NFIA: variants seen among roughly 807,000 people sequenced by gnomAD.
NFIA encodes the protein nuclear factor 1 A-type.
In NFIA, 8 loss-of-function variants were observed where a neutral mutation model predicts 62.8. The ratio of observed to expected loss-of-function variants is 0.13; its 90% CI spans 0.07 to 0.23. The LOEUF (loss-of-function observed/expected upper bound fraction) is 0.23, where lower values mean the gene tolerates loss of function less well. Among genes scored for constraint, NFIA ranks in the 10% least tolerant of loss-of-function variants. The probability of loss-of-function intolerance (pLI) is 1.00; values close to 1 mark genes in which losing one functional copy is unlikely to be tolerated. For missense variants in NFIA, 410 were observed against 642.1 expected, an observed-to-expected ratio of 0.64 and a Z score of 3.91; for synonymous variants, 235 against 238.1, an observed-to-expected ratio of 0.99 and a Z score of 0.12.
At chr1:61,356,817 T>C (rs1368171176) in intron 5 of NFIA, among the ~76,000 whole-genome samples, 1 of 152,210 alleles carries the variant, frequency 6.6e-6, no homozygotes, top group Admixed American at 6.5e-5. Context: ...ACTTAATGGC[T>C]AAGAATACTG....
chr1:61,254,363 A>G (rs1656241059), intron 2 of NFIA, among the ~76,000 whole-genome samples: 1 of 152,238 alleles, frequency 6.6e-6, no homozygotes, highest in Non-Finnish European at 1.5e-5. Context: ...TTTGATTGCA[A>G]AAATATAGCT....
At chr1:61,363,161 C>G (rs929505456) in intron 6 of NFIA, among the ~76,000 whole-genome samples, 1 of 152,216 alleles carries the variant, frequency 6.6e-6, no homozygotes, top group East Asian at 1.9e-4. Context: ...CAAGCCCACA[C>G]AGATAGTAAA....
Position 61,122,490 on chromosome 1 carries a change from G to A in NFIA, c.559+33810G>A, listed in dbSNP as rs149897673. 1.6e-3 allele frequency among the ~76,000 whole-genome samples: 246 copies of A among 152,276 alleles called. 1 individual carries two copies. The highest frequency in any genetic ancestry group is 5.6e-3 in the African/African-American group (234 of 41,554). ...TTCTCTCCTGACATAAAAAAAGGTGGTAATTGAGCTGGCATCTAGAAAGTG... is the reference window on the plus strand; with the variant it reads ...TTCTCTCCTGACATAAAAAAAGGTGATAATTGAGCTGGCATCTAGAAAGTG... On this transcript the variant is annotated intron_variant, in intron 2 of 10. Coordinates refer to ENST00000403491, the MANE Select transcript of NFIA (RefSeq NM_001134673.4).
At chr1:61,176,931 C>T (rs1159163011) in intron 2 of NFIA, among the ~76,000 whole-genome samples, 3 of 151,950 alleles carry the variant, frequency 2.0e-5, no homozygotes, top group Admixed American at 6.6e-5. Flanking sequence ...AGTGAAACCC[C>T]GTCTCTACTA....
chr1:61,262,784 A>G (rs1656846998), intron 2 of NFIA, among the ~76,000 whole-genome samples: 2 of 152,216 alleles, frequency 1.3e-5, no homozygotes, highest in Admixed American at 1.3e-4. Flanking sequence ...TAAATGGAAT[A>G]GTCTCCTTAT....
intron 2 of NFIA, among the ~76,000 whole-genome samples, chr1:61,158,265 T>C (rs1648946885): frequency 6.6e-6 from 1 of 152,234 alleles, no homozygotes; most frequent in South Asian, 2.1e-4. Flanking sequence ...CCCTTTTTAC[T>C]AGATGTGCAT....
upstream of NFIA, among the ~76,000 whole-genome samples, chr1:61,078,277 C>G (rs1192093551): frequency 6.6e-6 from 1 of 151,554 alleles, no homozygotes; most frequent in African/African-American, 2.4e-5. Flanking sequence ...AAAAAAAAAG[C>G]TGATCGGGGG....
intron 10 of NFIA, among the ~76,000 whole-genome samples, chr1:61,431,906 C>T (rs1667111760): frequency 6.6e-6 from 1 of 152,190 alleles, no homozygotes; most frequent in Admixed American, 6.5e-5. Flanking sequence ...TTCCTTTCTT[C>T]AGTCATTTAG....
upstream of NFIA, chr1:61,082,212 G>T (rs1191144290): frequency 3.9e-6 from 1 of 259,378 alleles, no homozygotes; most frequent in Non-Finnish European, 7.5e-6. Context: ...GGGGCGGGGG[G>T]GCCGGGGAGC....
intron 10 of NFIA, among the ~76,000 whole-genome samples, chr1:61,439,977 T>A (rs1667503880): frequency 6.6e-6 from 1 of 152,170 alleles, no homozygotes; most frequent in South Asian, 2.1e-4. Context: ...ATAAATCCTG[T>A]GTGAACGGAC....
chr1:61,191,290 A>G (rs1038668259), intron 2 of NFIA, among the ~76,000 whole-genome samples: 1 of 152,170 alleles, frequency 6.6e-6, no homozygotes, highest in African/African-American at 2.4e-5. Context: ...CGGGTAAGTA[A>G]AAGGAACCAA....
At chr1:61,306,138 C>A (rs1312112580) in intron 3 of NFIA, among the ~76,000 whole-genome samples, 1 of 152,008 alleles carries the variant, frequency 6.6e-6, no homozygotes, top group Non-Finnish European at 1.5e-5. Flanking sequence ...GCGTGAGCCA[C>A]CGCACCCAGC....
intron 2 of NFIA, among the ~76,000 whole-genome samples, chr1:61,170,632 T>C (rs1380778898): frequency 6.6e-6 from 1 of 152,158 alleles, no homozygotes; most frequent in South Asian, 2.1e-4. Context: ...TTTTTTGCCA[T>C]CTAAATGACA....
chr1:61,110,535 G>C (rs1266383022), intron 2 of NFIA, among the ~76,000 whole-genome samples: 1 of 151,974 alleles, frequency 6.6e-6, no homozygotes, highest in East Asian at 1.9e-4. Flanking sequence ...TTAATCTGAA[G>C]CTATTTGAGT....
intron 10 of NFIA, among the ~76,000 whole-genome samples, chr1:61,449,535 C>A (rs1158631668): frequency 6.6e-6 from 1 of 152,182 alleles, no homozygotes; most frequent in African/African-American, 2.4e-5. Context: ...AACCCAAGGA[C>A]TAGTAAGCAT....
At chr1:61,120,524 G>A (rs899307753) in intron 2 of NFIA, among the ~76,000 whole-genome samples, 4 of 152,120 alleles carry the variant, frequency 2.6e-5, no homozygotes, top group Non-Finnish European at 5.9e-5. Flanking sequence ...CATGTCTGCC[G>A]TGACCGTGAC....
At chr1:61,386,084 G>C (rs370600042) in intron 7 of NFIA, among the ~76,000 whole-genome samples, 2 of 152,188 alleles carry the variant, frequency 1.3e-5, no homozygotes, top group Non-Finnish European at 2.9e-5. Flanking sequence ...TAAAAGGTTG[G>C]AATTCAGCCT....
At chr1:61,197,642 A>G (rs1652122849) in intron 2 of NFIA, among the ~76,000 whole-genome samples, 1 of 152,040 alleles carries the variant, frequency 6.6e-6, no homozygotes, top group Non-Finnish European at 1.5e-5. Context: ...TGGCTAAGAA[A>G]CCTTGTTATT....
At chr1:61,107,479 A>T (rs545391263) in intron 2 of NFIA, among the ~76,000 whole-genome samples, 6 of 144,338 alleles carry the variant, frequency 4.2e-5, no homozygotes, top group Non-Finnish European at 7.7e-5. Context: ...TTACTGTGGA[A>T]TAAATGTTTT....
Sources: allele counts gnomAD v4.1 joint callset (sites outside exome capture counted in the v4.1 genomes callset), GRCh38; gene constraint gnomAD v4.1.1; transcripts MANE v1.5; gene names NCBI Gene and HGNC (gene_info 2026-07-23, HGNC 2026-07-21).